The following SPATA22 variants were observed in gnomAD, a reference collection of about 807,000 sequenced individuals.
SPATA22 encodes the protein spermatogenesis-associated protein 22.
In SPATA22, 29 loss-of-function variants were observed where a neutral mutation model predicts 47.8. That is an observed-to-expected ratio of 0.61 (90% CI 0.45 to 0.83). The LOEUF is 0.83. Ranked by LOEUF, SPATA22 falls within the 40% of genes least tolerant of loss-of-function variation. SPATA22 has a pLI of 0.00. For missense variants in SPATA22, 410 were observed against 421.7 expected, an observed-to-expected ratio of 0.97 and a Z score of 0.24; for synonymous variants, 133 against 140.9, an observed-to-expected ratio of 0.94 and a Z score of 0.40.
At chr17:3,476,373 ATTT>A, upstream of SPATA22, 1 of 1,614,074 alleles carries the variant, frequency 6.2e-7, no homozygotes, top group African/African-American at 1.3e-5. Flanking sequence ...CCTGAATCGC[ATTT>A]TTGACCTTGA....
intron 1 of SPATA22, among the ~76,000 whole-genome samples, chr17:3,509,211 A>G (rs1227368668): frequency 6.6e-6 from 1 of 152,040 alleles, no homozygotes; most frequent in Non-Finnish European, 1.5e-5. Flanking sequence ...TCCAAAAAAA[A>G]AAGGGGGGGA....
At position 3,490,169 on chromosome 17, in the gene SPATA22, G is replaced by A. The variant is rs919045082; in HGVS notation, c.-73-20771C>T. 3.3e-5 allele frequency among the ~76,000 whole-genome samples: 5 copies of A among 152,218 alleles called. No individual in the cohort carries two copies. Among genetic ancestry groups the A allele is most frequent in the East Asian group, 3.9e-4 (2 of 5,186 alleles). ...CACCAAACTGATAACAATAGTTACC[G>A]GGGACGGGAGGCAAAACCCAGGCTA... On this transcript the variant is annotated intron_variant, in intron 1 of 8. Coordinates refer to the SPATA22 transcript ENST00000541913. The surrounding 1 kb of genome is among the most constrained non-coding windows in gnomAD (Gnocchi z 4.6).
At chr17:3,473,373 C>G (rs1044115141), upstream of SPATA22, among the ~76,000 whole-genome samples, 1 of 152,124 alleles carries the variant, frequency 6.6e-6, no homozygotes, top group African/African-American at 2.4e-5. Context: ...AACAAAAAAC[C>G]CTTCTTATCC....
Position 3,463,815 on chromosome 17 carries a change from A to C in SPATA22, c.173-1048T>G, listed in dbSNP as rs577203997. ...TATGCAGTGCATGGCTGTATTTTCT[A>C]TTCTACTCTATTCTCTTCTATTTCT... On this transcript the variant is annotated intron_variant, in intron 3 of 8. Transcript: ENST00000572969. Among the ~76,000 whole-genome samples, 44 of 152,120 alleles carry C rather than the reference A, an allele frequency of 2.9e-4. 1 individual carries two copies. In the South Asian group the frequency reaches 5.4e-3, roughly 19 times the overall value.
At chr17:3,463,239 T>C (rs1039611924) in intron 3 of SPATA22, among the ~76,000 whole-genome samples, 3 of 151,828 alleles carry the variant, frequency 2.0e-5, no homozygotes, top group Admixed American at 6.6e-5. Flanking sequence ...TGTCACTTAA[T>C]GACAGGGATA....
intron 8 of SPATA22, among the ~76,000 whole-genome samples, chr17:3,442,327 T>A (rs577410256): frequency 6.6e-6 from 1 of 152,144 alleles, no homozygotes; most frequent in East Asian, 1.9e-4. Flanking sequence ...CATTTTATAT[T>A]TTTTAAAAAT....
At chr17:3,456,357 A>G (rs934679437) in intron 5 of SPATA22, among the ~76,000 whole-genome samples, 6 of 149,738 alleles carry the variant, frequency 4.0e-5, no homozygotes, top group African/African-American at 1.5e-4. Context: ...AAAAAATGAT[A>G]AAGGGGATAT....
intron 1 of SPATA22, among the ~76,000 whole-genome samples, chr17:3,506,805 G>A (rs972841936): frequency 1.1e-4 from 16 of 152,160 alleles, no homozygotes; most frequent in Non-Finnish European, 7.4e-5. Context: ...CCTGGGCTTG[G>A]TGGCGGGTGC....
At chr17:3,474,227 A>G (rs916809608), upstream of SPATA22, 2 of 152,228 alleles carry the variant, frequency 1.3e-5, no homozygotes, top group Non-Finnish European at 2.9e-5. Flanking sequence ...AAAGTTATTC[A>G]TTTTGACATG....
chr17:3,509,397 T>C (rs968360538), intron 1 of SPATA22, among the ~76,000 whole-genome samples: 5 of 152,200 alleles, frequency 3.3e-5, no homozygotes, highest in Admixed American at 6.5e-5. Flanking sequence ...ATTCCACTTA[T>C]GAGTGAGAAC....
intron 7 of SPATA22, among the ~76,000 whole-genome samples, chr17:3,445,037 C>T (rs2072697018): frequency 6.6e-6 from 1 of 151,912 alleles, no homozygotes; most frequent in Non-Finnish European, 1.5e-5. Flanking sequence ...CCAAAGAGAA[C>T]CTGGGGAAAT....
intron 3 of SPATA22, among the ~76,000 whole-genome samples, chr17:3,465,822 CCTAT>C (rs1206261130): frequency 6.6e-6 from 1 of 151,510 alleles, no homozygotes; most frequent in Non-Finnish European, 1.5e-5. Context: ...CTGATGCAGT[CCTAT>C]CTCTTACCCA....
At chr17:3,480,641 G>T (rs1343985650) in intron 1 of SPATA22, among the ~76,000 whole-genome samples, 1 of 152,192 alleles carries the variant, frequency 6.6e-6, no homozygotes, top group Non-Finnish European at 1.5e-5. Context: ...CCCTCCAGCT[G>T]CATGACTCCT....
chr17:3,449,792 A>G (rs2072814188), intron 5 of SPATA22, among the ~76,000 whole-genome samples: 1 of 152,218 alleles, frequency 6.6e-6, no homozygotes, highest in Admixed American at 6.5e-5. Context: ...AATCAAAAGC[A>G]TAATTTCTGA....
intron 1 of SPATA22, among the ~76,000 whole-genome samples, chr17:3,492,152 C>T (rs1260321529): frequency 1.3e-5 from 2 of 152,186 alleles, no homozygotes; most frequent in Admixed American, 1.3e-4. Flanking sequence ...ATTGGGGTTA[C>T]AGGCCTGCGC....
intron 3 of SPATA22, 90 bp from the exon 4 acceptor site, chr17:3,462,857 AAAACTTGAAGAAGAAAAAACTTG>A (rs2073160429): frequency 5.4e-6 from 6 of 1,103,914 alleles, no homozygotes; most frequent in Non-Finnish European, 8.2e-6. Context: ...GGAGGGTTTA[AAAACTTGAAGAAGAAAAAACTTG>A]AATATATGGA....
chr17:3,478,445 C>T (rs896095228), intron 1 of SPATA22, among the ~76,000 whole-genome samples: 1 of 152,174 alleles, frequency 6.6e-6, no homozygotes, highest in African/African-American at 2.4e-5. Flanking sequence ...TTGAGAAATG[C>T]TTTATCTTCA....
At position 3,471,518 on chromosome 17, in the gene SPATA22, G is replaced by GCA. The variant is rs149789275; in HGVS notation, c.-74+162_-74+163dup. ...TGCAAAAAGTGTGCTCAATCTGCAC[G>GCA]CACACACACACACACCACCCACAAA... is the stretch of plus-strand genomic sequence containing the variant. On this transcript the variant is annotated intron_variant, in intron 1 of 8. Transcript: ENST00000572969. The GCA allele has an allele frequency of 1.3e-4, 123 of 942,430 alleles. No homozygotes were observed. The East Asian group carries it at 2.9e-3, about 22-fold the overall frequency. 58.4% of individuals were successfully genotyped at this position (942,430 alleles called of 1,614,324 possible). A position where few individuals can be genotyped will look rare whatever the true frequency, so the allele number is the denominator to read the frequency against.
intron 5 of SPATA22, 32 bp from the exon 6 acceptor site, chr17:3,449,181 C>T (rs756208622): frequency 6.9e-7 from 1 of 1,443,546 alleles, no homozygotes; most frequent in South Asian, 1.4e-5. Context: ...GCATTTGTTT[C>T]TATATGGTTT....
Sources: allele counts gnomAD v4.1 joint callset (sites outside exome capture counted in the v4.1 genomes callset), GRCh38; gene constraint gnomAD v4.1.1; non-coding constraint Gnocchi (gnomAD v3.1); transcripts MANE v1.5; gene names NCBI Gene and HGNC (gene_info 2026-07-23, HGNC 2026-07-21).